Variants in NMNAT2 observed in about 807,000 individuals in gnomAD.
NMNAT2 encodes the protein nicotinamide/nicotinic acid mononucleotide adenylyltransferase 2.
NMNAT2 carries 11 observed loss-of-function variants against 41.6 expected under a neutral mutation model. That is an observed-to-expected ratio of 0.26 (90% CI 0.17 to 0.44). The LOEUF (loss-of-function observed/expected upper bound fraction) is 0.44. Among genes scored for constraint, NMNAT2 ranks in the 20% least tolerant of loss-of-function variants. The pLI is 1.00. For missense variants in NMNAT2, 288 were observed against 407.7 expected (o/e 0.71, Z 2.53); for synonymous variants, 148 against 151.2 (o/e 0.98, Z 0.16).
rs1571575943 is a variant in NMNAT2 at position 183,288,952 on chromosome 1, G to C, written c.321+1176C>G. Among the ~76,000 whole-genome samples the C allele has an allele frequency of 3.3e-5, 5 of 152,342 alleles. No homozygotes were observed. In the Middle Eastern group the frequency reaches 0.017, roughly 518 times the overall value. ...TGAAAGCTGAAGGGAAGGGAAATCA[G>C]TTTTCTTCAATTCCGTGGGGAAGAA... On this transcript the variant is annotated intron_variant, in intron 4 of 10. Transcript: ENST00000287713.
chr1:183,314,663 G>T (rs1455048061), intron 1 of NMNAT2, among the ~76,000 whole-genome samples: 4 of 152,222 alleles, frequency 2.6e-5, no homozygotes, highest in Non-Finnish European at 4.4e-5. Flanking sequence ...CACTCATGGT[G>T]TGCACAGCCT....
chr1:183,259,361 G>A (rs1295480261), intron 10 of NMNAT2, among the ~76,000 whole-genome samples: 6 of 152,106 alleles, frequency 3.9e-5, no homozygotes, highest in African/African-American at 1.4e-4. Flanking sequence ...TTGCCTTCCA[G>A]GGAAGAAGGC....
chr1:183,300,049 C>T (rs944500724), intron 1 of NMNAT2, among the ~76,000 whole-genome samples: 24 of 152,110 alleles, frequency 1.6e-4, no homozygotes, highest in African/African-American at 5.8e-4. Flanking sequence ...GATGGAATTA[C>T]AGCCCCTATA....
At chr1:183,266,545 A>G (rs1192980202) in intron 8 of NMNAT2, 1 of 153,210 alleles carries the variant, frequency 6.5e-6, no homozygotes, top group Non-Finnish European at 1.5e-5. Flanking sequence ...AAAGGGAGCC[A>G]AGAAGTGAGT....
chr1:183,309,915 C>G (rs573620312), intron 1 of NMNAT2, among the ~76,000 whole-genome samples: 2 of 152,334 alleles, frequency 1.3e-5, no homozygotes, highest in South Asian at 4.1e-4. Context: ...CCTGGAAGAT[C>G]AGACTTTCTC....
chr1:183,252,487 A>C lies in NMNAT2; in HGVS notation c.*154T>G. The C allele has an allele frequency of 1.0e-5, 5 of 481,322 alleles. No individual in the cohort carries two copies. The highest frequency in any genetic ancestry group is 5.6e-4 in the Middle Eastern group (1 of 1,788). The allele number at this position is 481,322 out of a possible 1,614,324, so 29.8% of individuals were successfully genotyped here. Reference sequence around the variant, plus strand: ...AGATGACTGTGGAATAGGGAATGCCATGGTTCTCTGCAGGTCCCCCACACT... The same window carrying C: ...AGATGACTGTGGAATAGGGAATGCCCTGGTTCTCTGCAGGTCCCCCACACT... On this transcript the variant is annotated 3_prime_UTR_variant, in exon 11 of 11. Coordinates refer to ENST00000287713, the MANE Select transcript of NMNAT2 (RefSeq NM_015039.4).
intron 1 of NMNAT2, among the ~76,000 whole-genome samples, chr1:183,313,301 G>A (rs1283970704): frequency 6.6e-6 from 1 of 152,204 alleles, no homozygotes; most frequent in Non-Finnish European, 1.5e-5. Flanking sequence ...TGTGATTTGA[G>A]TAATTACCCC....
chr1:183,328,795 C>T (rs12130162), intron 1 of NMNAT2, among the ~76,000 whole-genome samples: 68,130 of 152,050 alleles, frequency 0.45, 16,274 homozygotes, highest in East Asian at 0.78. Flanking sequence ...AGTTGGTAGC[C>T]ACCTTGTAAA....
chr1:183,402,063 G>A, intron 1 of NMNAT2, among the ~76,000 whole-genome samples: 1 of 150,480 alleles, frequency 6.6e-6, no homozygotes, highest in Non-Finnish European at 1.5e-5. Context: ...AGAACTTAAA[G>A]TATAATAAAA....
intron 1 of NMNAT2, among the ~76,000 whole-genome samples, chr1:183,299,205 A>G (rs1226487574): frequency 6.6e-6 from 1 of 151,790 alleles, no homozygotes; most frequent in Non-Finnish European, 1.5e-5. Flanking sequence ...AACCCCGTCT[A>G]TACTAAAAAT....
At chr1:183,318,854 A>G (rs1333858068) in intron 1 of NMNAT2, among the ~76,000 whole-genome samples, 2 of 152,234 alleles carry the variant, frequency 1.3e-5, no homozygotes, top group Non-Finnish European at 2.9e-5. Flanking sequence ...CAAGCCAGCT[A>G]TGGATTTTTA....
At chr1:183,366,507 T>G (rs1046023609) in intron 1 of NMNAT2, among the ~76,000 whole-genome samples, 1 of 152,250 alleles carries the variant, frequency 6.6e-6, no homozygotes, top group South Asian at 2.1e-4. Flanking sequence ...TCTCAGTCCT[T>G]GACCTTGCCA....
rs1487312074 is a variant in NMNAT2, at chr1:183,258,471, C to T, written c.821+2531G>A. The stretch of plus-strand genomic sequence containing the variant: ...AAGCTGTCCTTGTTCCTGGTGTAGG[C>T]TGAACTAACTTCAGGAGAAACTTAG... On this transcript the variant is annotated intron_variant, in intron 10 of 10. Coordinates refer to ENST00000287713, the MANE Select transcript of NMNAT2 (RefSeq NM_015039.4). Among the ~76,000 whole-genome samples the T allele has an allele frequency of 7.9e-5, 12 of 152,138 alleles. No individual in the cohort carries two copies. In the East Asian group the frequency reaches 1.9e-3, roughly 25 times the overall value.
intron 10 of NMNAT2, among the ~76,000 whole-genome samples, chr1:183,260,737 T>G (rs473189): frequency 0.72 from 108,785 of 150,490 alleles, 40,653 homozygotes; most frequent in Middle Eastern, 0.86. Flanking sequence ...GAGAATTGCT[T>G]GAACCCAGGA....
At chr1:183,364,687 T>TTTCTTTCTTTCTTTCTTTC (rs1553218937) in intron 1 of NMNAT2, among the ~76,000 whole-genome samples, 1 of 36,320 alleles carries the variant, frequency 2.8e-5, no homozygotes, top group African/African-American at 7.7e-5. Context: ...TTCTTTCTTT[T>TTTCTTTCTTTCTTTCTTTC]TTTGTTGTTG....
intron 1 of NMNAT2, among the ~76,000 whole-genome samples, chr1:183,316,029 C>T (rs759535078): frequency 5.3e-5 from 8 of 152,156 alleles, no homozygotes; most frequent in Non-Finnish European, 1.2e-4. Context: ...AAAAATCAAA[C>T]ACCCACCTTG....
chr1:183,303,475 T>C (rs1422397852), intron 1 of NMNAT2, among the ~76,000 whole-genome samples: 1 of 152,162 alleles, frequency 6.6e-6, no homozygotes, highest in African/African-American at 2.4e-5. Flanking sequence ...CATTAAGCAG[T>C]TTTGCCCGAG....
At chr1:183,292,921 C>A (rs1390043873) in intron 2 of NMNAT2, 64 bp from the exon 3 acceptor site, 3 of 1,443,276 alleles carry the variant, frequency 2.1e-6, no homozygotes, top group African/African-American at 2.8e-5. Flanking sequence ...CTTGGGATAC[C>A]AGCCCAAGCC....
At chr1:183,360,631 A>G (rs905707647) in intron 1 of NMNAT2, among the ~76,000 whole-genome samples, 9 of 152,216 alleles carry the variant, frequency 5.9e-5, no homozygotes, top group African/African-American at 9.6e-5. Flanking sequence ...CAGGTCATCT[A>G]TTAAGATCAA....
Sources: gnomAD v4.1 joint callset for allele counts (sites outside exome capture counted in the v4.1 genomes callset) on GRCh38, gnomAD v4.1.1 for gene constraint, MANE v1.5 for transcripts, NCBI Gene and HGNC (gene_info 2026-07-23, HGNC 2026-07-21) for gene names.